The following PRPF19 variants were observed in gnomAD, a reference collection of about 807,000 sequenced individuals.
PRPF19 encodes pre-mRNA-processing factor 19.
Under a neutral mutation model 64.2 loss-of-function variants are expected in PRPF19, and 2 were observed. The observed-to-expected ratio is 0.03, with a 90% CI of 0.01 to 0.10. PRPF19 has a LOEUF of 0.10. PRPF19 is among the 10% of genes least tolerant of loss of function. The pLI, the probability that PRPF19 is intolerant of heterozygous loss-of-function variation, is 1.00. For missense variants in PRPF19, 314 were observed against 650.0 expected (o/e 0.48, Z 5.62); for synonymous variants, 226 against 251.6 (o/e 0.90, Z 0.96).
chr11:60,893,707 C>A lies in PRPF19; in HGVS notation c.1418-2444G>T, dbSNP rs189142559. Among the ~76,000 whole-genome samples, 910 of 152,242 alleles carry A rather than the reference C, an allele frequency of 6.0e-3. 11 individuals carry two copies. Among genetic ancestry groups the A allele is most frequent in the African/African-American group, 0.021 (869 of 41,532 alleles). On this transcript the variant is annotated intron_variant, in intron 15 of 15. Coordinates refer to ENST00000227524, the MANE Select transcript of PRPF19 (RefSeq NM_014502.5). ...TGGTGGTTCATGCCTGTAATCCCAG[C>A]ACTTTGGGAGGCCGAGGCAGGTGGA...
chr11:60,905,619 T>C (rs766370288), intron 1 of PRPF19, among the ~76,000 whole-genome samples: 3 of 152,244 alleles, frequency 2.0e-5, no homozygotes, highest in Non-Finnish European at 2.9e-5. Context: ...CCGTGTCACC[T>C]AACTACGTCA....
intron 1 of PRPF19, 149 bp from the exon 2 acceptor site, chr11:60,904,010 T>C (rs1384268100): frequency 4.3e-6 from 4 of 925,786 alleles, no homozygotes; most frequent in Non-Finnish European, 4.7e-6. Context: ...AGTTCTGTAC[T>C]GGCCCCAGAA....
rs1855990033 is a variant in PRPF19, at chr11:60,902,203, AGGGTT to A, written c.525+195_525+199del. ...AGAAGCTAGGGAAATGAGACACGTA[AGGGTT>A]GGCTAAGTAAGCCAAGGTCATAAAG... On this transcript the variant is annotated intron_variant, in intron 6 of 15. Transcript: ENST00000227524. The surrounding 1 kb of genome is among the most constrained non-coding windows in gnomAD (Gnocchi z 5.0). 6.6e-6 allele frequency among the ~76,000 whole-genome samples: 1 copy of A among 152,158 alleles called. No homozygotes were observed. The highest frequency in any genetic ancestry group is 2.4e-5 in the African/African-American group (1 of 41,430).
At chr11:60,904,490 C>A (rs941967072) in intron 1 of PRPF19, among the ~76,000 whole-genome samples, 9 of 152,186 alleles carry the variant, frequency 5.9e-5, no homozygotes, top group Admixed American at 2.0e-4. Context: ...CCTTCAGATG[C>A]CAATCGCAAG....
chr11:60,893,752 C>T (rs184645596), intron 15 of PRPF19, among the ~76,000 whole-genome samples: 1,649 of 152,128 alleles, frequency 0.011, 14 homozygotes, highest in Middle Eastern at 0.061. Flanking sequence ...TTCAGGAATT[C>T]AAGACCAGCC....
At chr11:60,903,613 A>G (rs1856009978) in intron 2 of PRPF19, 78 bp from the exon 3 acceptor site, 2 of 1,591,050 alleles carry the variant, frequency 1.3e-6, no homozygotes, top group South Asian at 1.1e-5. Flanking sequence ...TTTTAGCCAT[A>G]AACAGCCCAC....
chr11:60,893,193 G>A (rs117370004), intron 15 of PRPF19, among the ~76,000 whole-genome samples: 1,648 of 152,306 alleles, frequency 0.011, 10 homozygotes, highest in Non-Finnish European at 0.016. Context: ...ACTGCCAGTT[G>A]TATAAAAGTA....
At chr11:60,901,808 G>A (rs763450909) in intron 6 of PRPF19, among the ~76,000 whole-genome samples, 3 of 152,176 alleles carry the variant, frequency 2.0e-5, no homozygotes, top group Non-Finnish European at 2.9e-5. Context: ...AAACAGCAGA[G>A]CAAGAATAGA....
Position 60,902,460 on chromosome 11 carries a change from C to T in PRPF19, c.468G>A (p.Ala156=), listed in dbSNP as rs139688916. 31 of 1,614,016 alleles carry T rather than the reference C, an allele frequency of 1.9e-5. No individual in the cohort carries two copies. Among genetic ancestry groups the T allele is most frequent in the Non-Finnish European group, 2.4e-5 (28 of 1,180,020 alleles). ...VPSSQPSVVG[A]GEPMDLGELV... The stretch of plus-strand genomic sequence containing the variant: ...GCTCACCCAAATCCATTGGCTCACC[C>T]GCACCCTGAAGAGAAGAAAGGTGAG... The change falls in exon 6 of 16, where the codon GCG becomes GCA. Residue 156 remains alanine (A), a synonymous_variant. Transcript: ENST00000227524. The surrounding 1 kb of genome is among the most constrained non-coding windows in gnomAD (Gnocchi z 5.0).
intron 1 of PRPF19, 39 bp from the exon 2 acceptor site, chr11:60,903,900 C>A: frequency 6.3e-7 from 1 of 1,595,550 alleles, no homozygotes; most frequent in Non-Finnish European, 8.5e-7. Flanking sequence ...GGAGTGAAGG[C>A]AATCTTGGGC....
rs1408247255 is a variant in PRPF19, at chr11:60,898,880, C to G, written c.1036G>C (p.Asp346His). 6.2e-7 allele frequency: 1 copy of G among 1,605,532 alleles called. No homozygotes were observed. The highest frequency in any genetic ancestry group is 1.3e-5 in the African/African-American group (1 of 74,994). Reference sequence around the variant, plus strand: ...AACTTACAGCAGCCGGAGGTCTCATCTGTCACCTTGGTGAGCACACGCCCT... The same window carrying G: ...AACTTACAGCAGCCGGAGGTCTCATGTGTCACCTTGGTGAGCACACGCCCT... Reference protein sequence around the residue: ...QTGRVLTKVTDETSGCSLTCA... With the variant: ...QTGRVLTKVTHETSGCSLTCA... The change falls in exon 12 of 16, where the codon GAT becomes CAT. Residue 346 changes from aspartate to histidine, a missense_variant. This residue lies in a region of PRPF19 where 175 missense variants were observed against 342.9 expected (regional missense o/e 0.51). Transcript: ENST00000227524. The surrounding 1 kb of genome is among the most constrained non-coding windows in gnomAD (Gnocchi z 4.6).
Position 60,900,947 on chromosome 11 carries a change from C to T in PRPF19, c.643-18G>A. 5 of 1,613,934 alleles carry T rather than the reference C, an allele frequency of 3.1e-6. No homozygotes were observed. The highest frequency in any genetic ancestry group is 4.2e-6 in the Non-Finnish European group (5 of 1,179,956). ...TGCAACCCCTTTGCAGAGAGACACA[C>T]CAAACCCTGTCACGGCCAAATCACA... On this transcript the variant is annotated intron_variant, in intron 8 of 15. Coordinates refer to ENST00000227524, the MANE Select transcript of PRPF19 (RefSeq NM_014502.5).
Position 60,891,271 on chromosome 11 carries a change from G to GCT in PRPF19, c.1418-9_1418-8insAG, listed in dbSNP as rs779945636. ...TGGTCAGGCCGCTATGCTCTGAGGA[G>GCT]AAAGATAAGAGGCAACTGTGAGAAG... On this transcript the variant is annotated splice_polypyrimidine_tract_variant and intron_variant, in intron 15 of 15. Coordinates refer to ENST00000227524, the MANE Select transcript of PRPF19 (RefSeq NM_014502.5). 6.2e-7 allele frequency: 1 copy of GCT among 1,608,634 alleles called. No individual in the cohort carries two copies. The highest frequency in any genetic ancestry group is 1.3e-5 in the African/African-American group (1 of 74,892).
In PRPF19 at chr11:60,891,381, C is replaced by T. The variant is rs998406101; in HGVS notation, c.1418-118G>A. 3.2e-5 allele frequency: 24 copies of T among 751,830 alleles called. No homozygotes were observed. The Admixed American group carries it at 3.3e-4, about 10-fold the overall frequency. The allele number at this position is 751,830 out of a possible 1,614,324, so 46.6% of individuals were successfully genotyped here. A position where few individuals can be genotyped will look rare whatever the true frequency, so the allele number is the denominator to read the frequency against. ...CTTCTCTAATTAGTATTTATCACACCGCAGGCTCCTGTTTGTTTTCCCTAG... is the reference window on the plus strand; with the variant it reads ...CTTCTCTAATTAGTATTTATCACACTGCAGGCTCCTGTTTGTTTTCCCTAG... On this transcript the variant is annotated intron_variant, in intron 15 of 15. Transcript: ENST00000227524.
At chr11:60,894,403 A>C (rs906468259) in intron 15 of PRPF19, among the ~76,000 whole-genome samples, 2 of 152,232 alleles carry the variant, frequency 1.3e-5, no homozygotes, top group African/African-American at 2.4e-5. Context: ...TCCATCAAGA[A>C]ACCACTTTCT....
chr11:60,901,026 C>T, intron 8 of PRPF19, 97 bp from the exon 9 acceptor site: 1 of 1,375,048 alleles, frequency 7.3e-7, no homozygotes, highest in Non-Finnish European at 1.0e-6. Context: ...CACCCATGTT[C>T]TCAGGGGAGC....
At chr11:60,893,009 G>T (rs1855879726) in intron 15 of PRPF19, among the ~76,000 whole-genome samples, 1 of 151,676 alleles carries the variant, frequency 6.6e-6, no homozygotes. Flanking sequence ...GGATGCCATA[G>T]AGTCATGTGT....
chr11:60,892,615 G>A (rs1305288534), intron 15 of PRPF19, among the ~76,000 whole-genome samples: 2 of 152,146 alleles, frequency 1.3e-5, no homozygotes, highest in African/African-American at 2.4e-5. Context: ...TTTCTGAGAG[G>A]TTAAGTAATA....
intron 1 of PRPF19, among the ~76,000 whole-genome samples, chr11:60,904,156 C>A (rs73493013): frequency 6.5e-4 from 99 of 152,258 alleles, no homozygotes; most frequent in African/African-American, 2.2e-3. Flanking sequence ...GAATAGCAGT[C>A]CATTATCACC....
Sources: allele counts gnomAD v4.1 joint callset (sites outside exome capture counted in the v4.1 genomes callset), GRCh38; gene constraint gnomAD v4.1.1; regional missense constraint gnomAD v4.1.1; non-coding constraint Gnocchi (gnomAD v3.1); transcripts MANE v1.5; gene names NCBI Gene and HGNC (gene_info 2026-07-23, HGNC 2026-07-21).